The following DACH2 variants were observed in gnomAD, a reference collection of about 807,000 sequenced individuals.
DACH2 encodes the protein dachshund homolog 2.
A neutral mutation model predicts 35.8 loss-of-function variants in DACH2; 17 were observed. The observed-to-expected ratio is 0.48, with a 90% CI of 0.33 to 0.71. The LOEUF is 0.71. Among genes scored for constraint, DACH2 ranks in the 30% least tolerant of loss-of-function variants. The probability of loss-of-function intolerance (pLI) is 0.02; values close to 1 mark genes in which losing one functional copy is unlikely to be tolerated. For synonymous variants in DACH2, 195 were observed against 177.3 expected, an observed-to-expected ratio of 1.10 and a Z score of -0.79; for missense variants, 469 against 472.7, an observed-to-expected ratio of 0.99 and a Z score of 0.07.
At chrX:86,495,929 G>C (rs193225393) in intron 2 of DACH2, among the ~76,000 whole-genome samples, 1 of 110,915 alleles carries the variant, frequency 9.0e-6, no homozygotes, top group East Asian at 2.8e-4. Flanking sequence ...GTTACAATAG[G>C]TACAATAATA....
intron 1 of DACH2, among the ~76,000 whole-genome samples, chrX:86,275,003 C>T (rs2033892138): frequency 9.0e-6 from 1 of 111,434 alleles, no homozygotes; most frequent in South Asian, 3.7e-4. Flanking sequence ...AGCAGCACAG[C>T]AAAACATAGT....
At chrX:86,298,998 G>A (rs2034521530) in intron 1 of DACH2, among the ~76,000 whole-genome samples, 1 of 111,967 alleles carries the variant, frequency 8.9e-6, no homozygotes, top group South Asian at 3.7e-4. Flanking sequence ...TGTAATCAAA[G>A]TATTGTCTTT....
In DACH2 at chrX:86,505,455, C is replaced by T. The variant is rs1185417163; in HGVS notation, c.528-8824C>T. ...ACTCCCCATCTTCCCCTCTTTTCAA[C>T]CCTTGGCAATCACATTCTTACTTTT... On this transcript the variant is annotated intron_variant, in intron 2 of 11. Transcript: ENST00000373125. 2.7e-5 allele frequency among the ~76,000 whole-genome samples: 3 copies of T among 111,767 alleles called. No individual in the cohort carries two copies. The Admixed American group carries it at 2.9e-4, about 11-fold the overall frequency.
rs376632542 is a variant in DACH2 at position 86,283,266 on chromosome X, T to C, written c.489-93558T>C. ...AGAGGATGTGGAGAAATAGGGACAC[T>C]TTTACACTGTTGGTTGGAGTTTAAA... On this transcript the variant is annotated intron_variant, in intron 1 of 11. Transcript: ENST00000373125. Among the ~76,000 whole-genome samples, 15 of 111,451 alleles carry C rather than the reference T, an allele frequency of 1.3e-4. No individual in the cohort carries two copies. In the East Asian group the frequency reaches 4.3e-3, roughly 32 times the overall value.
At chrX:86,546,339 C>CTCCTCTTCTTCTTCTTCT (rs1380637599) in intron 3 of DACH2, among the ~76,000 whole-genome samples, 25 of 67,199 alleles carry the variant, frequency 3.7e-4, no homozygotes, top group East Asian at 5.9e-4. Flanking sequence ...CTTCTTCTTC[C>CTCCTCTTCTTCTTCTTCT]TCTTCTTCTT....
At chrX:86,744,331 A>G (rs1268614226) in intron 7 of DACH2, among the ~76,000 whole-genome samples, 1 of 110,906 alleles carries the variant, frequency 9.0e-6, no homozygotes, top group Non-Finnish European at 1.9e-5. Context: ...CTCTATGTCA[A>G]GTTCTTCCAG....
intron 7 of DACH2, among the ~76,000 whole-genome samples, chrX:86,802,002 G>T (rs1187488681): frequency 9.0e-6 from 1 of 111,521 alleles, no homozygotes; most frequent in Non-Finnish European, 1.9e-5. Context: ...AATTTTATTC[G>T]ATTTCTTGAA....
chrX:86,605,859 G>A lies in DACH2; in HGVS notation c.641-45177G>A, dbSNP rs779069824. Among the ~76,000 whole-genome samples, 7 of 109,828 alleles carry A rather than the reference G, an allele frequency of 6.4e-5. No homozygotes were observed. In the East Asian group the frequency reaches 1.7e-3, roughly 27 times the overall value. On this transcript the variant is annotated intron_variant, in intron 3 of 11. Coordinates refer to ENST00000373125, the MANE Select transcript of DACH2 (RefSeq NM_053281.3). ...TGTATTGAGTCTGTTGATGTCACAG[G>A]CATTCATTTTTTCTTTGTCTTTTTA...
chrX:86,289,686 C>G (rs1340048378), intron 1 of DACH2, among the ~76,000 whole-genome samples: 4 of 104,602 alleles, frequency 3.8e-5, no homozygotes, highest in Non-Finnish European at 7.8e-5. Flanking sequence ...GTTTTTTCTT[C>G]TTGCGATAGT....
At chrX:86,723,138 A>G (rs57500634) in intron 6 of DACH2, among the ~76,000 whole-genome samples, 3,016 of 111,368 alleles carry the variant, frequency 0.027, 98 homozygotes, top group African/African-American at 0.094. Flanking sequence ...GTCTCTGATG[A>G]TCTTTCATTT....
At chrX:86,292,515 G>C (rs1230815365) in intron 1 of DACH2, among the ~76,000 whole-genome samples, 1 of 111,202 alleles carries the variant, frequency 9.0e-6, no homozygotes, top group Non-Finnish European at 1.9e-5. Context: ...TAATTGTGAT[G>C]TTAGGTTGTC....
chrX:86,815,882 A>G (rs2042446160), intron 10 of DACH2, 152 bp from the exon 11 acceptor site: 1 of 320,949 alleles, frequency 3.1e-6, no homozygotes, highest in South Asian at 1.4e-4. Context: ...CCCTCCTACC[A>G]TTAAAAACAA....
At chrX:86,371,512 GT>G (rs1255919965) in intron 1 of DACH2, among the ~76,000 whole-genome samples, 16 of 110,953 alleles carry the variant, frequency 1.4e-4, no homozygotes, top group African/African-American at 5.2e-4. Flanking sequence ...CAGACAAAGC[GT>G]TTGTTTGGAT....
intron 2 of DACH2, among the ~76,000 whole-genome samples, chrX:86,386,383 C>T (rs1488078528): frequency 1.8e-5 from 2 of 111,038 alleles, no homozygotes; most frequent in Non-Finnish European, 3.8e-5. Flanking sequence ...ACCTTGATCA[C>T]GGGGCTCAGG....
chrX:86,681,836 A>T (rs1342652188), intron 4 of DACH2, among the ~76,000 whole-genome samples: 8 of 109,137 alleles, frequency 7.3e-5, no homozygotes, highest in African/African-American at 2.7e-4. Flanking sequence ...CATTGTTTTC[A>T]ATTGTGGAAT....
At chrX:86,280,328 C>T (rs950171940) in intron 1 of DACH2, among the ~76,000 whole-genome samples, 6 of 111,675 alleles carry the variant, frequency 5.4e-5, no homozygotes, top group Non-Finnish European at 9.4e-5. Flanking sequence ...AATTTTCAAC[C>T]CAGAGTTTCA....
intron 1 of DACH2, among the ~76,000 whole-genome samples, chrX:86,248,823 C>T (rs970154036): frequency 3.6e-5 from 4 of 111,085 alleles, no homozygotes; most frequent in African/African-American, 9.8e-5. Flanking sequence ...ACCAAAACAG[C>T]GTGGTACTTG....
At chrX:86,771,301 C>A in intron 7 of DACH2, among the ~76,000 whole-genome samples, 1 of 112,507 alleles carries the variant, frequency 8.9e-6, no homozygotes, top group South Asian at 3.6e-4. Context: ...TGCATTACTT[C>A]TTACTGCTAA....
intron 7 of DACH2, among the ~76,000 whole-genome samples, chrX:86,787,506 T>C (rs1162093637): frequency 2.7e-5 from 3 of 109,466 alleles, no homozygotes; most frequent in Non-Finnish European, 5.7e-5. Context: ...CAATTCTAGT[T>C]ACTCAGAAGG....
Sources: gnomAD v4.1 joint callset for allele counts (sites outside exome capture counted in the v4.1 genomes callset) on GRCh38, gnomAD v4.1.1 for gene constraint, MANE v1.5 for transcripts, NCBI Gene and HGNC (gene_info 2026-07-23, HGNC 2026-07-21) for gene names.